Variants in GRIN2A observed in about 807,000 individuals in gnomAD.
The protein encoded by GRIN2A is glutamate receptor ionotropic, NMDA 2A.
A neutral mutation model predicts 113.4 loss-of-function variants in GRIN2A; 22 were observed. The ratio of observed to expected loss-of-function variants is 0.19; its 90% confidence interval spans 0.14 to 0.28. The LOEUF is 0.28. Among genes scored for constraint, GRIN2A ranks in the 10% least tolerant of loss-of-function variants. GRIN2A has a pLI of 1.00. For missense variants in GRIN2A, 1,502 were observed against 1,887.0 expected, an observed-to-expected ratio of 0.80 and a Z score of 3.78; for synonymous variants, 827 against 738.4, an observed-to-expected ratio of 1.12 and a Z score of -1.94.
intron 10 of GRIN2A, among the ~76,000 whole-genome samples, chr16:9,807,219 G>C (rs1375707012): frequency 2.1e-5 from 2 of 95,656 alleles, no homozygotes; most frequent in Non-Finnish European, 4.3e-5. Context: ...GAGAGGGAGA[G>C]GGGGAAAAAG....
chr16:9,796,933 C>A (rs1300356011), intron 11 of GRIN2A, among the ~76,000 whole-genome samples: 1 of 152,208 alleles, frequency 6.6e-6, no homozygotes, highest in East Asian at 1.9e-4. Context: ...TACAAATGCC[C>A]TATGGAGAAT....
chr16:9,874,813 CGGTA>C (rs964378453), intron 4 of GRIN2A, among the ~76,000 whole-genome samples: 1 of 151,886 alleles, frequency 6.6e-6, no homozygotes, highest in Non-Finnish European at 1.5e-5. Context: ...AGGCTGGGCA[CGGTA>C]GCTCATGCCT....
intron 11 of GRIN2A, among the ~76,000 whole-genome samples, chr16:9,791,268 C>T (rs1459617419): frequency 1.3e-5 from 2 of 151,860 alleles, no homozygotes; most frequent in Non-Finnish European, 2.9e-5. Flanking sequence ...GATGAGATGT[C>T]ATATCAGGAA....
intron 2 of GRIN2A, among the ~76,000 whole-genome samples, chr16:10,025,069 A>T (rs2046794718): frequency 6.6e-6 from 1 of 152,000 alleles, no homozygotes; most frequent in African/African-American, 2.4e-5. Context: ...AGGAATCGAG[A>T]GATGAGAGGA....
intron 3 of GRIN2A, among the ~76,000 whole-genome samples, chr16:9,919,430 C>A (rs753077259): frequency 1.8e-4 from 27 of 152,100 alleles, no homozygotes; most frequent in Non-Finnish European, 3.4e-4. Flanking sequence ...ATAGTGTGCC[C>A]ATTCCTGAAC....
At chr16:10,063,046 A>G (rs1368329329) in intron 2 of GRIN2A, among the ~76,000 whole-genome samples, 1 of 152,200 alleles carries the variant, frequency 6.6e-6, no homozygotes, top group Non-Finnish European at 1.5e-5. Flanking sequence ...CACAGCCATA[A>G]AAAAGAACAA....
intron 3 of GRIN2A, among the ~76,000 whole-genome samples, chr16:9,903,115 C>T (rs918425069): frequency 2.6e-5 from 4 of 151,862 alleles, no homozygotes; most frequent in Non-Finnish European, 4.4e-5. Flanking sequence ...ACTACAATCG[C>T]GTGCCACCAT....
chr16:9,891,153 G>A (rs141081298), intron 3 of GRIN2A, 53 bp from the exon 4 acceptor site: 53 of 1,007,174 alleles, frequency 5.3e-5, no homozygotes, highest in East Asian at 2.8e-4. Context: ...TAGAGCAATC[G>A]AACAAATAAG....
At chr16:10,148,945 G>A (rs926325897) in intron 2 of GRIN2A, among the ~76,000 whole-genome samples, 5 of 152,172 alleles carry the variant, frequency 3.3e-5, no homozygotes, top group African/African-American at 4.8e-5. Context: ...AAGTCATGAC[G>A]TTAAGTGGAA....
At chr16:9,939,283 G>A (rs1004441577) in intron 2 of GRIN2A, among the ~76,000 whole-genome samples, 8 of 152,206 alleles carry the variant, frequency 5.3e-5, no homozygotes, top group African/African-American at 1.9e-4. Context: ...GGATGTTACA[G>A]TCAGAGGAAT....
At chr16:9,900,891 T>C (rs1386774317) in intron 3 of GRIN2A, among the ~76,000 whole-genome samples, 2 of 152,312 alleles carry the variant, frequency 1.3e-5, no homozygotes, top group Admixed American at 6.5e-5. Flanking sequence ...AAAAAATGTA[T>C]GTAACGTGGC....
intron 3 of GRIN2A, among the ~76,000 whole-genome samples, chr16:9,920,814 A>C (rs371192546): frequency 1.3e-5 from 2 of 152,046 alleles, no homozygotes; most frequent in African/African-American, 4.8e-5. Context: ...CGGCCTCCCA[A>C]ACTTTTAAAA....
chr16:9,950,273 T>G (rs972205854), intron 2 of GRIN2A, among the ~76,000 whole-genome samples: 2 of 152,182 alleles, frequency 1.3e-5, no homozygotes, highest in African/African-American at 4.8e-5. Context: ...AGCCCCTTTA[T>G]GTGTTCTCCT....
chr16:9,905,098 A>G (rs150587445), intron 3 of GRIN2A, among the ~76,000 whole-genome samples: 77 of 152,370 alleles, frequency 5.1e-4, no homozygotes, highest in African/African-American at 1.5e-3. Context: ...CATCACTTCA[A>G]TAAACATCCA....
intron 2 of GRIN2A, among the ~76,000 whole-genome samples, chr16:10,160,742 G>T (rs2049793688): frequency 6.6e-6 from 1 of 152,208 alleles, no homozygotes; most frequent in African/African-American, 2.4e-5. Flanking sequence ...TCAATATATT[G>T]TGGACAAATG....
chr16:9,813,500 T>A (rs1055215389), intron 10 of GRIN2A, among the ~76,000 whole-genome samples: 1 of 145,548 alleles, frequency 6.9e-6, no homozygotes, highest in Non-Finnish European at 1.5e-5. Context: ...GATATATTTC[T>A]TTTTAGTCTG....
chr16:9,837,388 A>T (rs1567334920), intron 7 of GRIN2A, among the ~76,000 whole-genome samples: 1 of 152,184 alleles, frequency 6.6e-6, no homozygotes, highest in Non-Finnish European at 1.5e-5. Flanking sequence ...TGACATTTTT[A>T]TGGAAATGTT....
At chr16:10,034,645 G>C (rs1181271126) in intron 2 of GRIN2A, among the ~76,000 whole-genome samples, 12 of 150,264 alleles carry the variant, frequency 8.0e-5, no homozygotes, top group Admixed American at 8.0e-4. Flanking sequence ...AAGAGGTAAA[G>C]GTGTCACTCA....
chr16:9,845,852 G>T (rs533613567), intron 5 of GRIN2A, among the ~76,000 whole-genome samples: 63 of 152,190 alleles, frequency 4.1e-4, no homozygotes, highest in Non-Finnish European at 7.6e-4. Flanking sequence ...TTACAACATG[G>T]GGTCACCCAT....
Sources: gnomAD v4.1 joint callset for allele counts (sites outside exome capture counted in the v4.1 genomes callset) on GRCh38, gnomAD v4.1.1 for gene constraint, MANE v1.5 for transcripts, NCBI Gene and HGNC (gene_info 2026-07-23, HGNC 2026-07-21) for gene names.